NAV2: variants seen among roughly 807,000 people sequenced by gnomAD.
The protein encoded by NAV2 is helicase, APC down-regulated 1.
NAV2 carries 54 observed loss-of-function variants against 223.2 expected under a neutral mutation model. The ratio of observed to expected loss-of-function variants is 0.24; its 90% CI spans 0.19 to 0.30. The LOEUF (loss-of-function observed/expected upper bound fraction) is 0.30. Among genes scored for constraint, NAV2 ranks in the 10% least tolerant of loss-of-function variants. The pLI is 1.00. For missense variants in NAV2, 2,806 were observed against 3,147.5 expected, an observed-to-expected ratio of 0.89 and a Z score of 2.60; for synonymous variants, 1,279 against 1,239.3, an observed-to-expected ratio of 1.03 and a Z score of -0.67.
chr11:19,692,208 G>A (rs139364382), intron 1 of NAV2, among the ~76,000 whole-genome samples: 9 of 152,368 alleles, frequency 5.9e-5, no homozygotes, highest in African/African-American at 1.7e-4. Context: ...CCTCACCACC[G>A]GGGTTGCGGG....
intron 1 of NAV2, among the ~76,000 whole-genome samples, chr11:19,605,194 G>C (rs2046444915): frequency 6.6e-6 from 1 of 152,284 alleles, no homozygotes; most frequent in East Asian, 1.9e-4. Flanking sequence ...CAGGGGAGGA[G>C]TTGGGGCAAG....
chr11:19,484,343 G>T (rs1443505881), intron 1 of NAV2, among the ~76,000 whole-genome samples: 3 of 152,180 alleles, frequency 2.0e-5, no homozygotes, highest in Non-Finnish European at 4.4e-5. Flanking sequence ...TGACAGGGAG[G>T]TCACCTCCTC....
intron 36 of NAV2, among the ~76,000 whole-genome samples, chr11:20,114,050 G>A (rs2062844562): frequency 6.6e-6 from 1 of 152,102 alleles, no homozygotes; most frequent in South Asian, 2.1e-4. Flanking sequence ...GGGCCATTGT[G>A]ACCTCTGCCT....
In NAV2 at chr11:19,874,982, T is replaced by C. The variant is rs78372923; in HGVS notation, c.512-4887T>C. ...GACCAGCCTGGCCAATGTGGTGAAA[T>C]CCCATCTCTACTGAAAACAACAAAA... On this transcript the variant is annotated intron_variant, in intron 4 of 37. Coordinates refer to ENST00000349880, the MANE Select transcript of NAV2 (RefSeq NM_145117.5). 2.5e-3 allele frequency among the ~76,000 whole-genome samples: 375 copies of C among 152,138 alleles called. 1 individual carries two copies. The highest frequency in any genetic ancestry group is 8.4e-3 in the African/African-American group (350 of 41,508).
chr11:19,712,799 G>C (rs1161080072), upstream of NAV2, among the ~76,000 whole-genome samples: 1 of 151,564 alleles, frequency 6.6e-6, no homozygotes, highest in Non-Finnish European at 1.5e-5. Context: ...GGCGGCCCCG[G>C]CTGTCAGCGC....
intron 1 of NAV2, among the ~76,000 whole-genome samples, chr11:19,369,738 C>T (rs1289147979): frequency 6.6e-6 from 1 of 152,142 alleles, no homozygotes; most frequent in Non-Finnish European, 1.5e-5. Flanking sequence ...TCTGAAAAAG[C>T]CTCTTGCAAA....
chr11:19,527,034 C>A lies in NAV2; in HGVS notation c.75+176007C>A, dbSNP rs371177981. 3.9e-5 allele frequency among the ~76,000 whole-genome samples: 6 copies of A among 152,040 alleles called. No individual in the cohort carries two copies. The East Asian group carries it at 1.2e-3, about 29-fold the overall frequency. On this transcript the variant is annotated intron_variant, in intron 1 of 37. Coordinates refer to the NAV2 transcript ENST00000360655. ...CCATGCTATGGCATCTTTCTCCAAC[C>A]CTCCCACCCCCACCATCTCTATTGT... is the stretch of plus-strand genomic sequence containing the variant.
In NAV2 at chr11:19,441,446, A is replaced by G. The variant is rs868778800; in HGVS notation, c.75+90419A>G. ...GACACTGGGACACACACACACACAC[A>G]CGCACACACACACACACACACACAC... On this transcript the variant is annotated intron_variant, in intron 1 of 37. Coordinates refer to the NAV2 transcript ENST00000360655. Among the ~76,000 whole-genome samples, 166 of 124,060 alleles carry G rather than the reference A, an allele frequency of 1.3e-3. 1 individual carries two copies. The highest frequency in any genetic ancestry group is 1.6e-3 in the African/African-American group (51 of 31,964). 81.4% of individuals were successfully genotyped at this position (124,060 alleles called of 152,430 possible). A position where few individuals can be genotyped will look rare whatever the true frequency, so the allele number is the denominator to read the frequency against.
intron 37 of NAV2, among the ~76,000 whole-genome samples, chr11:20,117,579 CA>C (rs750108413): frequency 9.9e-5 from 15 of 152,124 alleles, no homozygotes; most frequent in Non-Finnish European, 1.5e-5. Context: ...AAGGCTTCCA[CA>C]GGAGCTGCAG....
chr11:19,620,094 G>T (rs1173014510), intron 1 of NAV2, among the ~76,000 whole-genome samples: 6 of 152,024 alleles, frequency 3.9e-5, no homozygotes, highest in Non-Finnish European at 8.8e-5. Flanking sequence ...ATTTCTGAGG[G>T]CTCTGTTCTG....
At chr11:19,748,510 G>T (rs143794925) in intron 1 of NAV2, among the ~76,000 whole-genome samples, 1 of 152,254 alleles carries the variant, frequency 6.6e-6, no homozygotes, top group Non-Finnish European at 1.5e-5. Flanking sequence ...CTGTAAACTA[G>T]TTATAATACA....
chr11:19,699,250 A>G, intron 1 of NAV2, among the ~76,000 whole-genome samples: 1 of 152,262 alleles, frequency 6.6e-6, no homozygotes, highest in East Asian at 1.9e-4. Flanking sequence ...GACCTTGGGC[A>G]AATTACCACT....
At chr11:19,822,385 G>A (rs1407315483) in intron 1 of NAV2, among the ~76,000 whole-genome samples, 1 of 152,186 alleles carries the variant, frequency 6.6e-6, no homozygotes, top group Non-Finnish European at 1.5e-5. Context: ...TAAGACTGGA[G>A]CAAGCATTGC....
intron 1 of NAV2, among the ~76,000 whole-genome samples, chr11:19,361,507 G>A (rs527308792): frequency 1.3e-5 from 2 of 152,106 alleles, no homozygotes; most frequent in South Asian, 2.1e-4. Flanking sequence ...TTGGGGATGG[G>A]GGGATCCTTC....
intron 1 of NAV2, among the ~76,000 whole-genome samples, chr11:19,473,847 C>T (rs1272048859): frequency 1.3e-5 from 2 of 152,182 alleles, no homozygotes; most frequent in African/African-American, 2.4e-5. Context: ...TATACTTGCC[C>T]GAAGTTTCAA....
intron 1 of NAV2, among the ~76,000 whole-genome samples, chr11:19,595,762 A>G (rs1565085066): frequency 1.3e-5 from 2 of 151,302 alleles, no homozygotes; most frequent in South Asian, 2.1e-4. Flanking sequence ...GGGTCTCACT[A>G]TGTTGCCCAG....
chr11:19,763,554 C>T (rs973629369), intron 1 of NAV2, among the ~76,000 whole-genome samples: 77 of 151,994 alleles, frequency 5.1e-4, no homozygotes, highest in Admixed American at 4.2e-3. Context: ...TCAGTGGCTG[C>T]GGAATTAGAA....
At chr11:19,466,767 A>G (rs774315881) in intron 1 of NAV2, among the ~76,000 whole-genome samples, 2 of 152,212 alleles carry the variant, frequency 1.3e-5, no homozygotes, top group Non-Finnish European at 2.9e-5. Flanking sequence ...CACTGGGCAG[A>G]TGCTCCCTGT....
intron 1 of NAV2, among the ~76,000 whole-genome samples, chr11:19,562,135 T>C (rs1462019562): frequency 2.0e-5 from 3 of 152,198 alleles, no homozygotes; most frequent in Admixed American, 1.3e-4. Flanking sequence ...CTTATAAGGA[T>C]TAACTAGTAA....
Sources: allele counts gnomAD v4.1 joint callset (sites outside exome capture counted in the v4.1 genomes callset), GRCh38; gene constraint gnomAD v4.1.1; transcripts MANE v1.5; gene names NCBI Gene and HGNC (gene_info 2026-07-23, HGNC 2026-07-21).